Variants in CEP152 observed in about 807,000 individuals in gnomAD.
CEP152 encodes the protein centrosomal protein 152, also known as centrosomal protein of 152 kDa.
A neutral mutation model predicts 188.9 loss-of-function variants in CEP152; 132 were observed. That is an observed-to-expected ratio of 0.70 (90% CI 0.61 to 0.81). The LOEUF is 0.81. Ranked by LOEUF, CEP152 falls within the 30% of genes least tolerant of loss-of-function variation. The probability of loss-of-function intolerance (pLI) is 0.00; values close to 1 mark genes in which losing one functional copy is unlikely to be tolerated. For missense variants in CEP152, 1,914 were observed against 1,969.8 expected (o/e 0.97, Z 0.54); for synonymous variants, 649 against 666.6 (o/e 0.97, Z 0.41).
At chr15:48,746,376 G>A (rs770498438) in intron 22 of CEP152, among the ~76,000 whole-genome samples, 2 of 151,892 alleles carry the variant, frequency 1.3e-5, no homozygotes, top group Non-Finnish European at 2.9e-5. Flanking sequence ...TGCCCTTATC[G>A]CCATATTCTG....
At chr15:48,749,224 C>A (rs543565631) in intron 21 of CEP152, among the ~76,000 whole-genome samples, 1 of 151,940 alleles carries the variant, frequency 6.6e-6, no homozygotes, top group African/African-American at 2.4e-5. Context: ...GATCGATGGA[C>A]AGAGAGATAA....
rs1898302006 is a variant in CEP152, at chr15:48,811,008, A to C, written c.-55T>G. 6.6e-6 allele frequency: 1 copy of C among 152,556 alleles called. No homozygotes were observed. The highest frequency in any genetic ancestry group is 2.4e-5 in the African/African-American group (1 of 41,474). 9.5% of individuals were successfully genotyped at this position (152,556 alleles called of 1,614,324 possible). A position where few individuals can be genotyped will look rare whatever the true frequency, so the allele number is the denominator to read the frequency against. On this transcript the variant is annotated 5_prime_UTR_variant, in exon 1 of 27. Coordinates refer to ENST00000380950, the MANE Select transcript of CEP152 (RefSeq NM_001194998.2). The stretch of plus-strand genomic sequence containing the variant: ...CGCGAGGAAACTCTAGTCCTGGCGG[A>C]AGACCAACTTCTAGCAGATCCCCTT...
At chr15:48,735,004 G>A (rs1892548852), downstream of CEP152, among the ~76,000 whole-genome samples, 1 of 152,178 alleles carries the variant, frequency 6.6e-6, no homozygotes, top group Admixed American at 6.5e-5. Context: ...CTTGAACAAT[G>A]CTATCAACCA....
chr15:48,765,693 G>T, intron 17 of CEP152: 1 of 341,784 alleles, frequency 2.9e-6, no homozygotes, highest in South Asian at 2.0e-5. Flanking sequence ...TCGCTCTGTC[G>T]CCCAGGCTGG....
intron 26 of CEP152, chr15:48,740,853 G>T: frequency 5.6e-6 from 1 of 178,662 alleles, no homozygotes; most frequent in Non-Finnish European, 1.1e-5. Flanking sequence ...GCTCAATATT[G>T]AGGTTGGGGA....
At chr15:48,730,804 T>C (rs1892395864) in intron 2 of CEP152, among the ~76,000 whole-genome samples, 2 of 152,152 alleles carry the variant, frequency 1.3e-5, no homozygotes, top group South Asian at 4.1e-4. Flanking sequence ...CATAGAGGAT[T>C]TTGCAGATAA....
At chr15:48,799,373 T>C in intron 2 of CEP152, among the ~76,000 whole-genome samples, 1 of 152,182 alleles carries the variant, frequency 6.6e-6, no homozygotes, top group East Asian at 1.9e-4. Context: ...AATTCTTAAC[T>C]GAGCTTTGGT....
At chr15:48,751,452 GA>G (rs1212306175) in intron 21 of CEP152, among the ~76,000 whole-genome samples, 5 of 152,198 alleles carry the variant, frequency 3.3e-5, no homozygotes, top group Non-Finnish European at 5.9e-5. Flanking sequence ...AGAAGTAGGG[GA>G]AAAGGGTTTG....
intron 26 of CEP152, among the ~76,000 whole-genome samples, chr15:48,740,053 C>T (rs987852420): frequency 6.6e-6 from 1 of 152,184 alleles, no homozygotes; most frequent in African/African-American, 2.4e-5. Flanking sequence ...TCCAGAGGTT[C>T]AAGAACCCCA....
chr15:48,757,567 C>G (rs1444909568), intron 19 of CEP152, among the ~76,000 whole-genome samples: 2 of 152,140 alleles, frequency 1.3e-5, no homozygotes, highest in African/African-American at 2.4e-5. Flanking sequence ...ATATTCCTGA[C>G]TGAATTCCTA....
chr15:48,759,529 C>G (rs1447416507), intron 19 of CEP152, among the ~76,000 whole-genome samples: 3 of 152,084 alleles, frequency 2.0e-5, no homozygotes, highest in Non-Finnish European at 4.4e-5. Context: ...CCAATATATT[C>G]CATTATGTGT....
At chr15:48,768,790 C>A (rs573059140) in intron 14 of CEP152, among the ~76,000 whole-genome samples, 166 bp downstream of exon 14, 2 of 152,186 alleles carry the variant, frequency 1.3e-5, no homozygotes, top group Non-Finnish European at 2.9e-5. Flanking sequence ...AAACTACTAA[C>A]CAACAGTTCA....
intron 23 of CEP152, 35 bp from the exon 24 acceptor site, chr15:48,744,378 T>C (rs746161111): frequency 3.1e-6 from 5 of 1,612,826 alleles, no homozygotes; most frequent in African/African-American, 1.3e-5. Context: ...AAAACAGAAA[T>C]GGTAAGTGAA....
intron 19 of CEP152, among the ~76,000 whole-genome samples, chr15:48,758,989 T>G (rs978534191): frequency 2.6e-5 from 4 of 152,176 alleles, no homozygotes; most frequent in African/African-American, 9.6e-5. Flanking sequence ...CTACTTGACT[T>G]CTGAGCTCTG....
chr15:48,752,202 C>T, intron 21 of CEP152, 147 bp downstream of exon 21: 1 of 1,394,340 alleles, frequency 7.2e-7, no homozygotes, highest in Non-Finnish European at 9.9e-7. Context: ...TATCTAAATA[C>T]AAAATGAAAT....
intron 10 of CEP152, 40 bp from the exon 11 acceptor site, chr15:48,782,270 A>C (rs1896304414): frequency 1.3e-6 from 2 of 1,555,130 alleles, no homozygotes; most frequent in African/African-American, 1.4e-5. Context: ...GAAAAAATTA[A>C]GGGGACAAAG....
At chr15:48,779,532 T>C (rs1896119709) in intron 12 of CEP152, among the ~76,000 whole-genome samples, 1 of 152,244 alleles carries the variant, frequency 6.6e-6, no homozygotes, top group African/African-American at 2.4e-5. Context: ...AAATGATGCC[T>C]AATATATGTT....
At chr15:48,754,768 C>A (rs1894138231) in intron 20 of CEP152, among the ~76,000 whole-genome samples, 1 of 152,128 alleles carries the variant, frequency 6.6e-6, no homozygotes, top group African/African-American at 2.4e-5. Flanking sequence ...CTACCCAAAC[C>A]CAAGGAATTA....
chr15:48,777,088 G>A (rs561454760), intron 12 of CEP152, among the ~76,000 whole-genome samples: 7 of 152,080 alleles, frequency 4.6e-5, no homozygotes, highest in African/African-American at 1.7e-4. Flanking sequence ...TCAAAAACAA[G>A]TAAAGTCAAG....
Sources: allele counts gnomAD v4.1 joint callset (sites outside exome capture counted in the v4.1 genomes callset), GRCh38; gene constraint gnomAD v4.1.1; transcripts MANE v1.5; gene names NCBI Gene and HGNC (gene_info 2026-07-23, HGNC 2026-07-21).